COX15: variants seen among roughly 807,000 people sequenced by gnomAD.
COX15 encodes heme A synthase COX15.
A neutral mutation model predicts 51.9 loss-of-function variants in COX15; 51 were observed. That is an observed-to-expected ratio of 0.98 (90% CI 0.78 to 1.24). The LOEUF (loss-of-function observed/expected upper bound fraction) is 1.24. Among genes scored for constraint, COX15 ranks in the 50% most tolerant of loss-of-function variants. The pLI is 0.00. For missense variants in COX15, 420 were observed against 501.1 expected (o/e 0.84, Z 1.55); for synonymous variants, 188 against 190.5 (o/e 0.99, Z 0.11).
At chr10:99,704,475 G>A in the COX15 span, 13 of 1,614,072 alleles carry the variant, frequency 8.1e-6, no homozygotes, top group African/African-American at 2.7e-5. Context: ...GAAGGTGTCC[G>A]ACAAGCCCAT....
rs2036447077 is a variant in COX15, at chr10:99,713,076, G to A, written c.*1511C>T. ...ATATCTTGCTTAAATTTGGTACCCA[G>A]AGTGAAATGCAGTATGTTAGGGGTA... On this transcript the variant is annotated 3_prime_UTR_variant, in exon 9 of 9. Transcript: ENST00000016171. 8.4e-7 allele frequency: 1 copy of A among 1,191,176 alleles called. No homozygotes were observed. The highest frequency in any genetic ancestry group is 1.1e-6 in the Non-Finnish European group (1 of 951,412). The allele number at this position is 1,191,176 out of a possible 1,614,324, so 73.8% of individuals were successfully genotyped here.
downstream of COX15, among the ~76,000 whole-genome samples, chr10:99,706,604 G>A (rs1047275821): frequency 6.6e-6 from 1 of 151,976 alleles, no homozygotes; most frequent in African/African-American, 2.4e-5. Flanking sequence ...CAAAGTGCTG[G>A]GATTACAAGC....
downstream of COX15, chr10:99,708,608 C>G (rs2133543378): frequency 6.4e-6 from 1 of 157,342 alleles, no homozygotes; most frequent in East Asian, 1.9e-4. Context: ...GCATTTTGTC[C>G]TTTGGTTTAG....
intron 8 of COX15, among the ~76,000 whole-genome samples, chr10:99,715,294 C>T (rs762290882): frequency 2.5e-4 from 38 of 151,982 alleles, no homozygotes; most frequent in Admixed American, 3.9e-4. Context: ...TGTGCCACCC[C>T]GCCTGGCTAA....
intron 6 of COX15, among the ~76,000 whole-genome samples, chr10:99,720,706 C>T (rs1380355482): frequency 6.6e-6 from 1 of 152,118 alleles, no homozygotes; most frequent in Non-Finnish European, 1.5e-5. Flanking sequence ...AGAGAGGTTA[C>T]AGAGCTTGCA....
In COX15 at chr10:99,711,905, T is replaced by G; in HGVS notation, c.*2682A>C. On this transcript the variant is annotated 3_prime_UTR_variant, in exon 9 of 9. Transcript: ENST00000016171. ...TCTGCATAGAACTGTATAGGAAGCA[T>G]GGCGCTGGCATCTGCTTCTGGTGAG... 1 of 857,868 alleles carries G rather than the reference T, an allele frequency of 1.2e-6. No homozygotes were observed. Among genetic ancestry groups the G allele is most frequent in the Non-Finnish European group, 1.4e-6 (1 of 713,862 alleles). The allele number at this position is 857,868 out of a possible 1,614,324, so 53.1% of individuals were successfully genotyped here. A position where few individuals can be genotyped will look rare whatever the true frequency, so the allele number is the denominator to read the frequency against.
chr10:99,731,062 TA>T (rs889084049), intron 1 of COX15, among the ~76,000 whole-genome samples: 1 of 152,094 alleles, frequency 6.6e-6, no homozygotes, highest in African/African-American at 2.4e-5. Flanking sequence ...ACGCTGTCTC[TA>T]AAAAAGAAAT....
chr10:99,696,288 C>T, the COX15 span, among the ~76,000 whole-genome samples: 1 of 152,190 alleles, frequency 6.6e-6, no homozygotes, highest in Admixed American at 6.5e-5. Flanking sequence ...TTAGCAGTCC[C>T]ACTCTGGGTG....
Position 99,711,251 on chromosome 10 carries a change from G to A in COX15, c.*3336C>T. On this transcript the variant is annotated 3_prime_UTR_variant, in exon 9 of 9. Coordinates refer to ENST00000016171, the MANE Select transcript of COX15 (RefSeq NM_078470.6). ...ACATCTGAAACCTTAACTTACTCATGAGTTGCTACTTCCTTGGAGGCAACT... is the reference window on the plus strand; with the variant it reads ...ACATCTGAAACCTTAACTTACTCATAAGTTGCTACTTCCTTGGAGGCAACT... The A allele has an allele frequency of 1.0e-6, 1 of 985,302 alleles. No individual in the cohort carries two copies. The highest frequency in any genetic ancestry group is 1.7e-5 in the African/African-American group (1 of 57,348). The allele number at this position is 985,302 out of a possible 1,614,324, so 61.0% of individuals were successfully genotyped here.
At chr10:99,724,571 C>T (rs1341527011) in intron 4 of COX15, among the ~76,000 whole-genome samples, 1 of 151,984 alleles carries the variant, frequency 6.6e-6, no homozygotes, top group African/African-American at 2.4e-5. Flanking sequence ...TACGCAGTGT[C>T]CCAAGATTCA....
chr10:99,697,302 T>G, the COX15 span: 27 of 153,048 alleles, frequency 1.8e-4, no homozygotes, highest in African/African-American at 6.5e-4. Context: ...CTCAGATGTC[T>G]CCTGCAGGCA....
chr10:99,698,100 A>G, the COX15 span, among the ~76,000 whole-genome samples: 1 of 152,196 alleles, frequency 6.6e-6, no homozygotes, highest in African/African-American at 2.4e-5. Flanking sequence ...GCCATTGCAC[A>G]TGGGCCACTG....
chr10:99,701,777 G>A, the COX15 span, among the ~76,000 whole-genome samples: 490 of 151,974 alleles, frequency 3.2e-3, 3 homozygotes, highest in African/African-American at 0.011. Context: ...GCCGGGCATG[G>A]TGGCTCACAC....
chr10:99,709,663 G>T (rs541806263), downstream of COX15: 1 of 985,296 alleles, frequency 1.0e-6, no homozygotes, highest in Non-Finnish European at 1.2e-6. Flanking sequence ...GTGGCACCCT[G>T]TTTGGGTGTC....
chr10:99,725,003 CAT>C (rs1363310657), intron 4 of COX15, among the ~76,000 whole-genome samples: 1 of 152,176 alleles, frequency 6.6e-6, no homozygotes, highest in Non-Finnish European at 1.5e-5. Context: ...TCTGGGGACG[CAT>C]AGTCAAAGAA....
the COX15 span, among the ~76,000 whole-genome samples, chr10:99,702,231 C>T: frequency 1.3e-5 from 2 of 152,038 alleles, no homozygotes; most frequent in Admixed American, 1.3e-4. Context: ...TAATCCCAAA[C>T]ATCCTATAAT....
the COX15 span, among the ~76,000 whole-genome samples, chr10:99,700,574 G>A: frequency 6.6e-6 from 1 of 152,146 alleles, no homozygotes. Flanking sequence ...CAAACCAAAA[G>A]GAATGATTAT....
intron 1 of COX15, 146 bp from the exon 2 acceptor site, chr10:99,729,880 A>T (rs2037083619): frequency 1.2e-6 from 1 of 837,902 alleles, no homozygotes; most frequent in Non-Finnish European, 1.9e-6. Context: ...GGATTACTGC[A>T]TCAGCCTTCC....
downstream of COX15, among the ~76,000 whole-genome samples, chr10:99,707,573 C>T (rs190639340): frequency 1.3e-3 from 192 of 152,258 alleles, no homozygotes; most frequent in African/African-American, 4.4e-3. Context: ...TCATAAAATT[C>T]ACATTCCACT....
Sources: allele counts gnomAD v4.1 joint callset (sites outside exome capture counted in the v4.1 genomes callset), GRCh38; gene constraint gnomAD v4.1.1; transcripts MANE v1.5; gene names NCBI Gene and HGNC (gene_info 2026-07-23, HGNC 2026-07-21).